Variants in PCDH15 observed in about 807,000 individuals in gnomAD.
The protein encoded by PCDH15 is protocadherin-15.
A neutral mutation model predicts 178.5 loss-of-function variants in PCDH15; 129 were observed. That is an observed-to-expected ratio of 0.72 (90% CI 0.63 to 0.84). The LOEUF is 0.84. PCDH15 is among the 40% of genes least tolerant of loss of function. The pLI is 0.00. For synonymous variants in PCDH15, 800 were observed against 732.0 expected, an observed-to-expected ratio of 1.09 and a Z score of -1.50; for missense variants, 2,230 against 2,099.9, an observed-to-expected ratio of 1.06 and a Z score of -1.21.
chr10:55,280,731 A>G (rs1490637130), intron 1 of PCDH15, among the ~76,000 whole-genome samples: 1 of 152,180 alleles, frequency 6.6e-6, no homozygotes, highest in Non-Finnish European at 1.5e-5. Context: ...GCATTCACCT[A>G]GAAGAACTAA....
chr10:54,707,927 T>C (rs952835370), intron 1 of PCDH15, among the ~76,000 whole-genome samples: 35 of 152,340 alleles, frequency 2.3e-4, no homozygotes, highest in African/African-American at 7.0e-4. Flanking sequence ...AATCACTAGA[T>C]TGGTCATCAC....
At chr10:54,292,962 C>G (rs887063325) in intron 8 of PCDH15, among the ~76,000 whole-genome samples, 1 of 152,118 alleles carries the variant, frequency 6.6e-6, no homozygotes, top group Non-Finnish European at 1.5e-5. Flanking sequence ...TGGAAAAAAA[C>G]TACTTTAAAG....
chr10:54,750,142 T>C (rs1946020499), intron 1 of PCDH15, among the ~76,000 whole-genome samples: 1 of 152,102 alleles, frequency 6.6e-6, no homozygotes, highest in African/African-American at 2.4e-5. Flanking sequence ...TTTCCTTTAT[T>C]TAACAGCAAG....
intron 2 of PCDH15, among the ~76,000 whole-genome samples, chr10:55,486,591 T>A (rs950833801): frequency 1.3e-5 from 2 of 151,654 alleles, no homozygotes; most frequent in Non-Finnish European, 3.0e-5. Context: ...GTAATGAACA[T>A]TGATTCCTTT....
chr10:55,128,223 AC>A (rs1837952705), intron 2 of PCDH15, among the ~76,000 whole-genome samples: 1 of 151,930 alleles, frequency 6.6e-6, no homozygotes, highest in African/African-American at 2.4e-5. Flanking sequence ...AGACTTCCTT[AC>A]TACCATCCTT....
chr10:55,093,613 C>G lies in PCDH15; in HGVS notation c.-80+72963G>C, dbSNP rs368902243. ...TTCTAGTGTTTTTATGGTTTTAGGT[C>G]TAACATTTAAGTCTTTAATCCATCT... On this transcript the variant is annotated intron_variant, in intron 2 of 5. Coordinates refer to the PCDH15 transcript ENST00000458638. Among the ~76,000 whole-genome samples, 480 of 152,034 alleles carry G rather than the reference C, an allele frequency of 3.2e-3. 3 individuals are homozygous for G. The highest frequency in any genetic ancestry group is 0.011 in the African/African-American group (470 of 41,488).
chr10:54,409,158 A>T (rs1953114701), intron 3 of PCDH15, among the ~76,000 whole-genome samples: 2 of 152,132 alleles, frequency 1.3e-5, no homozygotes, highest in Admixed American at 1.3e-4. Flanking sequence ...CCATGATTGT[A>T]AGGCCTCCCC....
chr10:55,258,577 G>T (rs1378755999), intron 1 of PCDH15, among the ~76,000 whole-genome samples: 2 of 152,074 alleles, frequency 1.3e-5, no homozygotes, highest in African/African-American at 4.8e-5. Context: ...AAGAATTGAG[G>T]TTGCTGCAGA....
chr10:54,369,959 A>G lies in PCDH15; in HGVS notation c.319-684T>C, dbSNP rs561211880. Reference sequence around the variant, plus strand: ...CAATATTATACTTCATTGTAAGCCTATAGCATAATGTATCCAAGTAATAAT... The same window carrying G: ...CAATATTATACTTCATTGTAAGCCTGTAGCATAATGTATCCAAGTAATAAT... On this transcript the variant is annotated intron_variant, in intron 4 of 37. Transcript: ENST00000644397. Among the ~76,000 whole-genome samples, 4 of 152,162 alleles carry G rather than the reference A, an allele frequency of 2.6e-5. No homozygotes were observed. In the East Asian group the frequency reaches 7.7e-4, roughly 29 times the overall value.
chr10:54,488,613 C>T (rs1298181132), intron 3 of PCDH15, among the ~76,000 whole-genome samples: 2 of 151,838 alleles, frequency 1.3e-5, no homozygotes, highest in African/African-American at 4.8e-5. Flanking sequence ...AGAATCAGTA[C>T]TGGCAGATAA....
intron 12 of PCDH15, among the ~76,000 whole-genome samples, chr10:54,183,930 G>A (rs1253805461): frequency 6.6e-6 from 1 of 152,026 alleles, no homozygotes; most frequent in African/African-American, 2.4e-5. Context: ...AACTTAATTG[G>A]AAAATATTAT....
intron 8 of PCDH15, among the ~76,000 whole-genome samples, chr10:54,252,257 C>T (rs2056542606): frequency 6.6e-6 from 1 of 152,236 alleles, no homozygotes; most frequent in Admixed American, 6.5e-5. Flanking sequence ...TCCACAAGTA[C>T]ATCAATAGGG....
intron 2 of PCDH15, among the ~76,000 whole-genome samples, chr10:54,910,482 T>C (rs1416872119): frequency 6.6e-6 from 1 of 152,168 alleles, no homozygotes; most frequent in Non-Finnish European, 1.5e-5. Flanking sequence ...AAATAACAAA[T>C]AACATTTTGA....
At chr10:54,958,502 A>T (rs1378160391) in intron 2 of PCDH15, among the ~76,000 whole-genome samples, 2 of 151,922 alleles carry the variant, frequency 1.3e-5, no homozygotes, top group African/African-American at 4.8e-5. Flanking sequence ...TGACTCTCCC[A>T]CATAATTAAA....
chr10:54,807,292 T>G (rs1952794477), intron 3 of PCDH15, among the ~76,000 whole-genome samples: 1 of 152,174 alleles, frequency 6.6e-6, no homozygotes, highest in Non-Finnish European at 1.5e-5. Flanking sequence ...TATACATAAT[T>G]GTATCAGAGA....
At chr10:54,716,433 C>G (rs36102812) in intron 1 of PCDH15, among the ~76,000 whole-genome samples, 7,607 of 152,196 alleles carry the variant, frequency 0.05, 227 homozygotes, top group East Asian at 0.1. Context: ...TCTTTAATTT[C>G]ATTGAGCAGT....
chr10:54,462,090 T>TGTTA (rs1403252124), intron 3 of PCDH15, among the ~76,000 whole-genome samples: 1 of 152,118 alleles, frequency 6.6e-6, no homozygotes, highest in African/African-American at 2.4e-5. Context: ...TATCCTTTTA[T>TGTTA]GTTACTCAGC....
At chr10:55,259,160 C>G (rs562530602) in intron 1 of PCDH15, among the ~76,000 whole-genome samples, 1 of 152,180 alleles carries the variant, frequency 6.6e-6, no homozygotes, top group African/African-American at 2.4e-5. Context: ...CCAGATGGTA[C>G]CCCTGCTGTA....
At chr10:55,346,233 T>C (rs983874316) in intron 2 of PCDH15, among the ~76,000 whole-genome samples, 18 of 152,110 alleles carry the variant, frequency 1.2e-4, no homozygotes, top group African/African-American at 3.6e-4. Context: ...TTAAAAAGTA[T>C]CAAAGAAAAA....
Sources: gnomAD v4.1 joint callset for allele counts (sites outside exome capture counted in the v4.1 genomes callset) on GRCh38, gnomAD v4.1.1 for gene constraint, MANE v1.5 for transcripts, NCBI Gene and HGNC (gene_info 2026-07-23, HGNC 2026-07-21) for gene names.